RALGAPB: variants seen among roughly 807,000 people sequenced by gnomAD.
RALGAPB encodes the protein ral GTPase-activating protein subunit beta.
Under a neutral mutation model 161.1 loss-of-function variants are expected in RALGAPB, and 25 were observed. That is an observed-to-expected ratio of 0.16 (90% CI 0.11 to 0.22). RALGAPB has a LOEUF of 0.22. Among genes scored for constraint, RALGAPB ranks in the 10% least tolerant of loss-of-function variants. The pLI is 1.00. For synonymous variants in RALGAPB, 629 were observed against 626.1 expected (o/e 1.00, Z -0.07); for missense variants, 1,391 against 1,815.2 (o/e 0.77, Z 4.25).
intron 6 of RALGAPB, among the ~76,000 whole-genome samples, chr20:38,509,836 A>G (rs2085880378): frequency 6.6e-6 from 1 of 151,614 alleles, no homozygotes; most frequent in African/African-American, 2.4e-5. Context: ...AACTAGCCTA[A>G]TTTTTCTATT....
chr20:38,558,542 G>C, intron 23 of RALGAPB, 89 bp downstream of exon 23: 1 of 1,222,090 alleles, frequency 8.2e-7, no homozygotes, highest in Non-Finnish European at 1.1e-6. Context: ...TTAATATGGA[G>C]AGTTTATTTG....
intron 23 of RALGAPB, among the ~76,000 whole-genome samples, chr20:38,561,823 G>A (rs1045845247): frequency 6.6e-6 from 1 of 152,176 alleles, no homozygotes; most frequent in Non-Finnish European, 1.5e-5. Flanking sequence ...CTAGATATTT[G>A]TAGTGTGCCT....
Position 38,521,539 on chromosome 20 carries a change from C to T in RALGAPB, c.1460C>T (p.Ser487Leu). The T allele has an allele frequency of 6.2e-7, 1 of 1,614,124 alleles. No homozygotes were observed. Among genetic ancestry groups the T allele is most frequent in the Non-Finnish European group, 8.5e-7 (1 of 1,180,000 alleles). ...AGCATGGAGTTTCGACGGAAAGGGT[C>T]ACAAATGTCCACAGACACCATGGTT... is the stretch of plus-strand genomic sequence containing the variant. ...QASMEFRRKG[S>L]QMSTDTMVSN... Residue 487 changes from serine (S) to leucine (L), a missense_variant, in exon 10 of 30, where the codon TCA becomes TTA. Ser to Leu is a moderately radical substitution (Grantham distance 145). This residue lies in a region of RALGAPB where 946 missense variants were observed against 1,257.2 expected (regional missense o/e 0.75). Coordinates refer to ENST00000262879, the MANE Select transcript of RALGAPB (RefSeq NM_020336.4).
rs910429355 is a variant in RALGAPB, at chr20:38,490,567, C to T, written c.186+1949C>T. Reference sequence around the variant, plus strand: ...TGTTGGCCAGGCTGGAGTGCAATGTCGCAATCTTAGCTCACCGCAACCTCT... The same window carrying T: ...TGTTGGCCAGGCTGGAGTGCAATGTTGCAATCTTAGCTCACCGCAACCTCT... On this transcript the variant is annotated intron_variant, in intron 2 of 29. Transcript: ENST00000262879. Among the ~76,000 whole-genome samples, 5 of 151,436 alleles carry T rather than the reference C, an allele frequency of 3.3e-5. No individual in the cohort carries two copies. In the East Asian group the frequency reaches 7.8e-4, roughly 24 times the overall value.
intron 6 of RALGAPB, among the ~76,000 whole-genome samples, chr20:38,514,482 T>C (rs1244946871): frequency 6.6e-6 from 1 of 152,234 alleles, no homozygotes; most frequent in East Asian, 1.9e-4. Context: ...GGCAGGCATC[T>C]GGATACCTCC....
chr20:38,574,044 C>T (rs2088340263), intron 28 of RALGAPB, 106 bp from the exon 29 acceptor site: 6 of 1,194,318 alleles, frequency 5.0e-6, no homozygotes, highest in Admixed American at 2.6e-5. Context: ...TGCCAAGCAA[C>T]AGGTCCCTTT....
In RALGAPB at chr20:38,509,162, A is replaced by G. The variant is rs202059387; in HGVS notation, c.826A>G (p.Asn276Asp). ...CAGTCTGATCCCTCCAGAAATGGAT[A>G]ATGAGTGTGTTGCACAGACATGGTT... Reference protein sequence around the residue: ...DASLIPPEMDNECVAQTWFRF... With the variant: ...DASLIPPEMDDECVAQTWFRF... Residue 276 changes from asparagine (N) to aspartate (D), a missense_variant, in exon 6 of 30, where the codon AAT becomes GAT. Asn to Asp is a conservative substitution (Grantham distance 23, BLOSUM62 1). Around this residue, in one of 3 missense-constraint regions of RALGAPB, gnomAD observed 946 missense variants for 1,257.2 expected, o/e 0.75. Coordinates refer to ENST00000262879, the MANE Select transcript of RALGAPB (RefSeq NM_020336.4). The G allele has an allele frequency of 6.2e-7, 1 of 1,613,914 alleles. No homozygotes were observed. The highest frequency in any genetic ancestry group is 8.5e-7 in the Non-Finnish European group (1 of 1,179,752).
intron 13 of RALGAPB, among the ~76,000 whole-genome samples, chr20:38,526,844 C>G (rs1020079268): frequency 5.9e-5 from 9 of 152,184 alleles, no homozygotes; most frequent in Admixed American, 2.0e-4. Flanking sequence ...TTTTCTTCCT[C>G]TAATCTGATG....
chr20:38,544,347 GT>G (rs79464319), intron 18 of RALGAPB, among the ~76,000 whole-genome samples: 72 of 141,276 alleles, frequency 5.1e-4, no homozygotes, highest in African/African-American at 7.2e-4. Context: ...GTTACCTTCA[GT>G]TTTTTTTTTT....
rs749648655 is a variant in RALGAPB at position 38,575,319 on chromosome 20, T to C, written c.*352T>C. ...TGGTAGTATCAACAAATTTGCAATATAGAAGTTGAAGATAGTTTTTTACCT... is the reference window on the plus strand; with the variant it reads ...TGGTAGTATCAACAAATTTGCAATACAGAAGTTGAAGATAGTTTTTTACCT... On this transcript the variant is annotated 3_prime_UTR_variant, in exon 30 of 30. Transcript: ENST00000262879. The C allele has an allele frequency of 2.6e-4, 49 of 190,260 alleles. No homozygotes were observed. The highest frequency in any genetic ancestry group is 2.0e-3 in the South Asian group (18 of 8,922). The allele number at this position is 190,260 out of a possible 1,614,324, so 11.8% of individuals were successfully genotyped here.
Position 38,578,699 on chromosome 20 carries a change from G to C in RALGAPB, c.*3732G>C, listed in dbSNP as rs1342468395. ...AAAGGCAAAGTGTAAATATGAAGGC[G>C]TGCCCGTGCCCCTTGCCTCCTGTGT... On this transcript the variant is annotated 3_prime_UTR_variant, in exon 30 of 30. Transcript: ENST00000262879. 2 of 152,604 alleles carry C rather than the reference G, an allele frequency of 1.3e-5. No homozygotes were observed. Among genetic ancestry groups the C allele is most frequent in the Admixed American group, 1.3e-4 (2 of 15,278 alleles). The allele number at this position is 152,604 out of a possible 1,614,324, so 9.5% of individuals were successfully genotyped here. A position where few individuals can be genotyped will look rare whatever the true frequency, so the allele number is the denominator to read the frequency against.
At chr20:38,479,506 C>T (rs1394744353) in intron 1 of RALGAPB, among the ~76,000 whole-genome samples, 2 of 152,102 alleles carry the variant, frequency 1.3e-5, no homozygotes, top group East Asian at 1.9e-4. Context: ...TGTTATTTTG[C>T]GGTGGTGCTT....
At position 38,493,150 on chromosome 20, in the gene RALGAPB, A is replaced by G. The variant is rs761968526; in HGVS notation, c.389+18A>G. ...GTACCAAGGTAAGCTATACCTGTCT[A>G]TCTGGCCCATTATCAGGGTCATAGT... On this transcript the variant is annotated intron_variant, in intron 3 of 29. Transcript: ENST00000262879. 1.2e-5 allele frequency: 19 copies of G among 1,554,584 alleles called. 1 individual carries two copies. The highest frequency in any genetic ancestry group is 1.6e-5 in the Non-Finnish European group (18 of 1,130,796).
At chr20:38,526,096 G>GCCT in intron 13 of RALGAPB, 54 bp downstream of exon 13, 1 of 1,584,976 alleles carries the variant, frequency 6.3e-7, no homozygotes, top group Non-Finnish European at 8.6e-7. Flanking sequence ...TTGACTACAG[G>GCCT]CCTGCTGAGG....
intron 21 of RALGAPB, 83 bp downstream of exon 21, chr20:38,551,306 T>C: frequency 6.9e-7 from 1 of 1,451,626 alleles, no homozygotes; most frequent in South Asian, 1.2e-5. Flanking sequence ...ATGCTTTTAG[T>C]GTTGTTGGAG....
chr20:38,573,065 T>G (rs2088300222), intron 28 of RALGAPB, among the ~76,000 whole-genome samples: 1 of 151,940 alleles, frequency 6.6e-6, no homozygotes, highest in South Asian at 2.1e-4. Context: ...TTACTGTCTT[T>G]GTTGTTTTCA....
Position 38,525,852 on chromosome 20 carries a change from A to G in RALGAPB, c.1903-43A>G, listed in dbSNP as rs1326041147. 3 of 1,595,436 alleles carry G rather than the reference A, an allele frequency of 1.9e-6. No homozygotes were observed. In the South Asian group the frequency reaches 3.4e-5, roughly 18 times the overall value. On this transcript the variant is annotated intron_variant, in intron 12 of 29. Coordinates refer to ENST00000262879, the MANE Select transcript of RALGAPB (RefSeq NM_020336.4). ...TAGCTGTTCCCACATGGGCATCATA[A>G]GCTGCAACAGCTGATGTTAAATATT...
chr20:38,496,011 A>T (rs1181919820), intron 3 of RALGAPB, among the ~76,000 whole-genome samples: 1 of 152,074 alleles, frequency 6.6e-6, no homozygotes, highest in Non-Finnish European at 1.5e-5. Flanking sequence ...TTACTTGATT[A>T]GGTTTGGGGC....
At chr20:38,485,966 C>CTTTTTTTTTTT (rs11481893) in intron 1 of RALGAPB, among the ~76,000 whole-genome samples, 59 of 90,640 alleles carry the variant, frequency 6.5e-4, no homozygotes, top group Non-Finnish European at 7.9e-4. Context: ...CTTTCTATAT[C>CTTTTTTTTTTT]TTTTTTTTTT....
Sources: allele counts gnomAD v4.1 joint callset (sites outside exome capture counted in the v4.1 genomes callset), GRCh38; gene constraint gnomAD v4.1.1; regional missense constraint gnomAD v4.1.1; transcripts MANE v1.5; gene names NCBI Gene and HGNC (gene_info 2026-07-23, HGNC 2026-07-21).